Variants in ABHD17B observed in about 807,000 individuals in gnomAD.
ABHD17B encodes the protein abhydrolase domain containing 17B, depalmitoylase, also known as alpha/beta hydrolase domain-containing protein 17B.
Under a neutral mutation model 26.2 loss-of-function variants are expected in ABHD17B, and 9 were observed. The ratio of observed to expected loss-of-function variants is 0.34; its 90% CI spans 0.21 to 0.60. The LOEUF is 0.60. ABHD17B is among the 20% of genes least tolerant of loss of function. ABHD17B has a pLI of 0.80. For missense variants in ABHD17B, 224 were observed against 352.1 expected, an observed-to-expected ratio of 0.64 and a Z score of 2.91; for synonymous variants, 127 against 122.3, an observed-to-expected ratio of 1.04 and a Z score of -0.25.
In ABHD17B at chr9:71,905,007, G is replaced by A. The variant is rs1426086025; in HGVS notation, c.-4+5627C>T. ...CTCTGAAAGAATTTTTATAACCCCA[G>A]TATAGAGAAGGCTTTCTCCAAAAGA... is the stretch of plus-strand genomic sequence containing the variant. On this transcript the variant is annotated intron_variant, in intron 1 of 3. Transcript: ENST00000333421. Among the ~76,000 whole-genome samples the A allele has an allele frequency of 3.3e-5, 5 of 152,202 alleles. No homozygotes were observed. In the South Asian group the frequency reaches 8.3e-4, roughly 25 times the overall value.
At chr9:71,901,665 C>G (rs745438204) in intron 1 of ABHD17B, among the ~76,000 whole-genome samples, 13 of 152,160 alleles carry the variant, frequency 8.5e-5, no homozygotes, top group Non-Finnish European at 1.3e-4. Context: ...AAACTCTAGA[C>G]TCTGAAATAT....
intron 3 of ABHD17B, 82 bp downstream of exon 3, chr9:71,870,001 T>A: frequency 8.0e-7 from 1 of 1,252,984 alleles, no homozygotes; most frequent in Non-Finnish European, 1.1e-6. Flanking sequence ...TATGGTTGAG[T>A]GAACTGTGTC....
At chr9:71,864,213 C>CTTTTTTTTTTTTTT (rs762446648), downstream of ABHD17B, among the ~76,000 whole-genome samples, 1 of 80,396 alleles carries the variant, frequency 1.2e-5, no homozygotes, top group Non-Finnish European at 2.1e-5. Flanking sequence ...GCCAAACTTT[C>CTTTTTTTTTTTTTT]TTTTTTTTTT....
chr9:71,900,864 C>A (rs949465031), intron 1 of ABHD17B, among the ~76,000 whole-genome samples: 1 of 151,926 alleles, frequency 6.6e-6, no homozygotes, highest in African/African-American at 2.4e-5. Context: ...AAAATGTTTG[C>A]ATGGGCTGGG....
chr9:71,868,206 G>A (rs554459699), intron 3 of ABHD17B, among the ~76,000 whole-genome samples: 73 of 151,930 alleles, frequency 4.8e-4, no homozygotes, highest in Admixed American at 9.2e-4. Context: ...GTGTCGCAGC[G>A]AGACTCTGTC....
intron 1 of ABHD17B, among the ~76,000 whole-genome samples, chr9:71,877,902 C>A (rs1826325452): frequency 6.6e-6 from 1 of 152,082 alleles, no homozygotes; most frequent in African/African-American, 2.4e-5. Context: ...AGAATGACTC[C>A]CCTCTTCCAC....
chr9:71,864,216 T>TTC (rs1554696711), downstream of ABHD17B, among the ~76,000 whole-genome samples: 2 of 123,356 alleles, frequency 1.6e-5, no homozygotes, highest in African/African-American at 3.1e-5. Context: ...AAACTTTCTT[T>TTC]TTTTTTTTTT....
intron 1 of ABHD17B, among the ~76,000 whole-genome samples, chr9:71,887,273 T>C (rs1016275937): frequency 6.6e-6 from 1 of 152,064 alleles, no homozygotes; most frequent in Non-Finnish European, 1.5e-5. Flanking sequence ...CTAGTGTAAG[T>C]TGTGAACTTA....
At chr9:71,864,451 C>A (rs1408246590), downstream of ABHD17B, among the ~76,000 whole-genome samples, 1 of 151,872 alleles carries the variant, frequency 6.6e-6, no homozygotes, top group Non-Finnish European at 1.5e-5. Flanking sequence ...GATCTCCTGA[C>A]CTCGTGATCC....
chr9:71,864,840 G>A (rs1305959566), downstream of ABHD17B, among the ~76,000 whole-genome samples: 1 of 152,060 alleles, frequency 6.6e-6, no homozygotes, highest in African/African-American at 2.4e-5. Flanking sequence ...TCTTTACCTA[G>A]CACAGGTTTT....
chr9:71,893,745 C>T (rs1330688390), intron 1 of ABHD17B, among the ~76,000 whole-genome samples: 2 of 152,278 alleles, frequency 1.3e-5, no homozygotes, highest in African/African-American at 4.8e-5. Context: ...TAACATCCAT[C>T]CAATAGCTAC....
chr9:71,889,014 G>A lies in ABHD17B; in HGVS notation c.-3-13931C>T, dbSNP rs549990167. Among the ~76,000 whole-genome samples the A allele has an allele frequency of 2.1e-4, 31 of 148,080 alleles. No homozygotes were observed. In the South Asian group the frequency reaches 2.8e-3, roughly 13 times the overall value. ...TATTATGAAAGTATTACAAGACAAA[G>A]TTTAAAAAAAAAAACAAACCAGCCA... On this transcript the variant is annotated intron_variant, in intron 1 of 3. Coordinates refer to ENST00000333421, the MANE Select transcript of ABHD17B (RefSeq NM_001025780.3).
intron 1 of ABHD17B, among the ~76,000 whole-genome samples, chr9:71,879,909 G>A (rs1445059576): frequency 6.6e-6 from 1 of 152,236 alleles, no homozygotes; most frequent in Non-Finnish European, 1.5e-5. Flanking sequence ...ATACATGACA[G>A]AATGACTCTG....
At chr9:71,863,334 A>G (rs1825875141), downstream of ABHD17B, among the ~76,000 whole-genome samples, 1 of 152,206 alleles carries the variant, frequency 6.6e-6, no homozygotes. Flanking sequence ...GGATATTATT[A>G]TTCAATTAGT....
At chr9:71,909,238 A>T (rs1709007004) in intron 1 of ABHD17B, among the ~76,000 whole-genome samples, 2 of 152,226 alleles carry the variant, frequency 1.3e-5, no homozygotes, top group African/African-American at 4.8e-5. Flanking sequence ...GAGTAGGAGA[A>T]AAGAGAGGTC....
chr9:71,871,223 C>A (rs1589211723), intron 2 of ABHD17B, among the ~76,000 whole-genome samples: 2 of 152,182 alleles, frequency 1.3e-5, no homozygotes, highest in African/African-American at 4.8e-5. Context: ...AAATATCTTT[C>A]TAAGAATCTG....
intron 1 of ABHD17B, among the ~76,000 whole-genome samples, chr9:71,891,352 C>T (rs1826775807): frequency 6.6e-6 from 1 of 152,154 alleles, no homozygotes; most frequent in Non-Finnish European, 1.5e-5. Context: ...TCCATTTGAT[C>T]TAAAGCCCCG....
chr9:71,899,576 T>C (rs1827072049), intron 1 of ABHD17B, among the ~76,000 whole-genome samples: 1 of 152,176 alleles, frequency 6.6e-6, no homozygotes, highest in South Asian at 2.1e-4. Context: ...TTTGACAACA[T>C]TACTTGGACC....
At chr9:71,908,182 G>A (rs1827340583) in intron 1 of ABHD17B, among the ~76,000 whole-genome samples, 1 of 152,160 alleles carries the variant, frequency 6.6e-6, no homozygotes, top group South Asian at 2.1e-4. Flanking sequence ...CCTGAGGTCA[G>A]GAGTTGAAGA....
Sources: allele counts gnomAD v4.1 joint callset (sites outside exome capture counted in the v4.1 genomes callset), GRCh38; gene constraint gnomAD v4.1.1; transcripts MANE v1.5; gene names NCBI Gene and HGNC (gene_info 2026-07-23, HGNC 2026-07-21).